Variants in MTMR7 observed in about 807,000 individuals in gnomAD.
MTMR7 encodes the protein phosphatidylinositol-3-phosphate phosphatase MTMR7.
Under a neutral mutation model 81.2 loss-of-function variants are expected in MTMR7, and 76 were observed. The ratio of observed to expected loss-of-function variants is 0.94; its 90% CI spans 0.78 to 1.13. The LOEUF (loss-of-function observed/expected upper bound fraction) is 1.13. Among genes scored for constraint, MTMR7 ranks in the 50% most tolerant of loss-of-function variants. The pLI, the probability that MTMR7 is intolerant of heterozygous loss-of-function variation, is 0.00. For synonymous variants in MTMR7, 372 were observed against 289.8 expected (o/e 1.28, Z -2.88); for missense variants, 1,044 against 820.0 (o/e 1.27, Z -3.34).
chr8:17,370,358 T>G (rs994126167), intron 3 of MTMR7, among the ~76,000 whole-genome samples: 4 of 151,322 alleles, frequency 2.6e-5, no homozygotes, highest in Non-Finnish European at 5.9e-5. Context: ...CCACCTCTAC[T>G]AAAAATACAA....
rs188575570 is a variant in MTMR7 at position 17,383,687 on chromosome 8, T to C, written c.25-10447A>G. 6.8e-3 allele frequency among the ~76,000 whole-genome samples: 1,031 copies of C among 152,282 alleles called. 10 individuals carry two copies. The highest frequency in any genetic ancestry group is 0.023 in the African/African-American group (975 of 41,560). On this transcript the variant is annotated intron_variant, in intron 1 of 13. Coordinates refer to ENST00000180173, the MANE Select transcript of MTMR7 (RefSeq NM_004686.5). ...AAATGCTCTAGCTACAGCTAAAAGATTTGGTATCTGGTACAGACCAGCTTG... is the reference window on the plus strand; with the variant it reads ...AAATGCTCTAGCTACAGCTAAAAGACTTGGTATCTGGTACAGACCAGCTTG...
chr8:17,400,994 G>A (rs146560707), intron 1 of MTMR7, among the ~76,000 whole-genome samples: 20 of 152,150 alleles, frequency 1.3e-4, no homozygotes, highest in African/African-American at 2.9e-4. Context: ...CAGAACACAC[G>A]GTCTGTTATA....
At position 17,299,473 on chromosome 8, in the gene MTMR7, G is replaced by T. The variant is rs185227463; in HGVS notation, c.*389C>A. 2 of 175,880 alleles carry T rather than the reference G, an allele frequency of 1.1e-5. No homozygotes were observed. The highest frequency in any genetic ancestry group is 1.4e-4 in the South Asian group (1 of 7,266). The allele number at this position is 175,880 out of a possible 1,614,324, so 10.9% of individuals were successfully genotyped here. ...TTAGAAAACACAAAATATGCATCTA[G>T]AAGTGAACTAAAAGAATCATGATGA... On this transcript the variant is annotated 3_prime_UTR_variant, in exon 14 of 14. Transcript: ENST00000180173.
intron 7 of MTMR7, chr8:17,326,290 C>T (rs1341574730): frequency 1.3e-5 from 2 of 152,112 alleles, no homozygotes; most frequent in Non-Finnish European, 1.5e-5. Flanking sequence ...TTTCCTCATC[C>T]GTAAAATGAA....
Position 17,391,753 on chromosome 8 carries a change from C to T in MTMR7, c.25-18513G>A, listed in dbSNP as rs535046456. 1.9e-4 allele frequency among the ~76,000 whole-genome samples: 29 copies of T among 152,106 alleles called. 1 individual carries two copies. The highest frequency in any genetic ancestry group is 1.0e-3 in the South Asian group (5 of 4,808). ...CAGCTTGGCAATAAATTTATTTCTC[C>T]GGGAATCTATGATAAGCAGTGTTTT... On this transcript the variant is annotated intron_variant, in intron 1 of 13. Coordinates refer to ENST00000180173, the MANE Select transcript of MTMR7 (RefSeq NM_004686.5).
chr8:17,356,851 G>T (rs914525191), intron 4 of MTMR7, among the ~76,000 whole-genome samples: 1 of 152,070 alleles, frequency 6.6e-6, no homozygotes, highest in East Asian at 1.9e-4. Flanking sequence ...CAACCGTCGG[G>T]GAGTCTGTGC....
chr8:17,324,410 T>G (rs1289914497), intron 7 of MTMR7, among the ~76,000 whole-genome samples: 3 of 152,202 alleles, frequency 2.0e-5, no homozygotes, highest in African/African-American at 7.2e-5. Flanking sequence ...TCAAGAGGTT[T>G]CCCAGGCCAT....
intron 1 of MTMR7, among the ~76,000 whole-genome samples, chr8:17,387,197 G>A (rs902157267): frequency 6.6e-6 from 1 of 152,086 alleles, no homozygotes; most frequent in Non-Finnish European, 1.5e-5. Flanking sequence ...CAGGTATTCC[G>A]ATATCCCAGA....
intron 1 of MTMR7, among the ~76,000 whole-genome samples, chr8:17,392,633 C>G (rs1422884522): frequency 6.6e-6 from 1 of 152,252 alleles, no homozygotes; most frequent in Non-Finnish European, 1.5e-5. Flanking sequence ...AAACTTGACA[C>G]CTTTCCTAAA....
At chr8:17,366,805 G>A (rs1820238447) in intron 3 of MTMR7, among the ~76,000 whole-genome samples, 1 of 150,200 alleles carries the variant, frequency 6.7e-6, no homozygotes, top group Non-Finnish European at 1.5e-5. Context: ...AGAATGGCAT[G>A]AACCTGAGAG....
chr8:17,345,146 G>C (rs1819512551), intron 5 of MTMR7, among the ~76,000 whole-genome samples: 1 of 152,146 alleles, frequency 6.6e-6, no homozygotes, highest in East Asian at 1.9e-4. Context: ...ATGTGCGTAA[G>C]GCCTAAAATT....
chr8:17,322,077 G>A (rs1283466575), intron 7 of MTMR7, among the ~76,000 whole-genome samples: 7 of 152,118 alleles, frequency 4.6e-5, no homozygotes, highest in Non-Finnish European at 1.0e-4. Flanking sequence ...GAGATCTGAA[G>A]TTGAAACATA....
chr8:17,363,106 A>C (rs926423113), intron 3 of MTMR7, among the ~76,000 whole-genome samples: 2 of 152,240 alleles, frequency 1.3e-5, no homozygotes, highest in African/African-American at 2.4e-5. Context: ...CACAAACCAG[A>C]GCAGACGCGT....
At chr8:17,409,138 C>A (rs553414955) in intron 1 of MTMR7, among the ~76,000 whole-genome samples, 7 of 152,014 alleles carry the variant, frequency 4.6e-5, no homozygotes, top group African/African-American at 1.7e-4. Flanking sequence ...CACAAGAGGC[C>A]TGGATTAATA....
intron 4 of MTMR7, among the ~76,000 whole-genome samples, chr8:17,360,873 G>C (rs1250467293): frequency 6.6e-6 from 1 of 152,110 alleles, no homozygotes; most frequent in Non-Finnish European, 1.5e-5. Context: ...GCCTCTCTGG[G>C]TTTCAAGTTC....
At chr8:17,341,190 C>A (rs968550301) in intron 6 of MTMR7, among the ~76,000 whole-genome samples, 173 bp downstream of exon 6, 1 of 152,214 alleles carries the variant, frequency 6.6e-6, no homozygotes, top group Non-Finnish European at 1.5e-5. Flanking sequence ...GCTTCAGGTG[C>A]ACTAGACCTC....
intron 5 of MTMR7, among the ~76,000 whole-genome samples, chr8:17,342,071 G>C (rs1470567470): frequency 1.3e-5 from 2 of 152,080 alleles, no homozygotes; most frequent in Non-Finnish European, 2.9e-5. Flanking sequence ...GCTGACTCAA[G>C]TCTACTTAGA....
In MTMR7 at chr8:17,341,385, T is replaced by C. The variant is rs985601560; in HGVS notation, c.710A>G (p.Tyr237Cys). The C allele has an allele frequency of 1.2e-6, 2 of 1,614,186 alleles. No individual in the cohort carries two copies. The highest frequency in any genetic ancestry group is 1.7e-6 in the Non-Finnish European group (2 of 1,180,002). The change falls in exon 6 of 14, where the codon TAT becomes TGT. Residue 237 changes from tyrosine (Y) to cysteine (C), a missense_variant. By Grantham distance (194) the Tyr-to-Cys change is radical. Coordinates refer to ENST00000180173, the MANE Select transcript of MTMR7 (RefSeq NM_004686.5). ...RKANPGSDFV[Y>C]VVDTRPKLNA... ...TACTTTAGGCCGGGTGTCAACGACA[T>C]AAACGAAGTCACTTCCTGGATTGGC...
At chr8:17,362,517 G>A (rs778754474) in intron 3 of MTMR7, among the ~76,000 whole-genome samples, 1 of 152,102 alleles carries the variant, frequency 6.6e-6, no homozygotes, top group Non-Finnish European at 1.5e-5. Context: ...TGACGCAAAC[G>A]GGAGGCACAC....
Sources: allele counts gnomAD v4.1 joint callset (sites outside exome capture counted in the v4.1 genomes callset), GRCh38; gene constraint gnomAD v4.1.1; transcripts MANE v1.5; gene names NCBI Gene and HGNC (gene_info 2026-07-23, HGNC 2026-07-21).